Variants in PGR observed in about 807,000 individuals in gnomAD.
PGR encodes the protein nuclear receptor subfamily 3 group C member 3.
A neutral mutation model predicts 76.1 loss-of-function variants in PGR; 25 were observed. The observed-to-expected ratio is 0.33, with a 90% CI of 0.24 to 0.46. The LOEUF (loss-of-function observed/expected upper bound fraction) is 0.46. Among genes scored for constraint, PGR ranks in the 20% least tolerant of loss-of-function variants. The pLI is 1.00. For synonymous variants in PGR, 579 were observed against 535.0 expected (o/e 1.08, Z -1.14); for missense variants, 1,172 against 1,225.3 (o/e 0.96, Z 0.65).
chr11:101,072,432 T>C (rs569741582), intron 3 of PGR, among the ~76,000 whole-genome samples: 4 of 152,198 alleles, frequency 2.6e-5, no homozygotes, highest in Non-Finnish European at 5.9e-5. Context: ...ATGGGCAAAA[T>C]AACCAGCTAG....
intron 4 of PGR, 102 bp downstream of exon 4, chr11:101,062,345 T>TA: frequency 1.2e-6 from 1 of 865,392 alleles, no homozygotes; most frequent in Non-Finnish European, 1.9e-6. Flanking sequence ...CTGTTTTATA[T>TA]TGTAGTTAAT....
At chr11:101,050,798 A>G (rs796787345) in intron 5 of PGR, 3 of 159,722 alleles carry the variant, frequency 1.9e-5, no homozygotes, top group African/African-American at 7.2e-5. Flanking sequence ...AAACTGTACA[A>G]TGAAGAATGC....
At chr11:101,107,664 AAC>A (rs1364667962) in intron 2 of PGR, among the ~76,000 whole-genome samples, 2 of 152,176 alleles carry the variant, frequency 1.3e-5, no homozygotes, top group Non-Finnish European at 2.9e-5. Context: ...GTAGGATTAT[AAC>A]AGTTACATAC....
At chr11:101,124,276 C>G (rs1252045987) in intron 2 of PGR, among the ~76,000 whole-genome samples, 1 of 152,166 alleles carries the variant, frequency 6.6e-6, no homozygotes, top group African/African-American at 2.4e-5. Flanking sequence ...GGATGCTATT[C>G]TAACAAAATG....
Position 101,048,173 on chromosome 11 carries a change from T to TGATAAA in PGR, c.2488+1750_2488+1755dup, listed in dbSNP as rs1859957303. 2.0e-5 allele frequency among the ~76,000 whole-genome samples: 3 copies of TGATAAA among 152,316 alleles called. No individual in the cohort carries two copies. In the South Asian group the frequency reaches 6.2e-4, roughly 32 times the overall value. ...TTGCTAACTCACTGGACTGTGTCAG[T>TGATAAA]GATAAAGAAACCACTATTATATTAA... On this transcript the variant is annotated intron_variant, in intron 6 of 7. Coordinates refer to ENST00000325455, the MANE Select transcript of PGR (RefSeq NM_000926.4).
At chr11:101,097,449 T>C (rs1861868493) in intron 2 of PGR, among the ~76,000 whole-genome samples, 1 of 152,232 alleles carries the variant, frequency 6.6e-6, no homozygotes, top group Non-Finnish European at 1.5e-5. Flanking sequence ...TTTGTGTCTA[T>C]AGCTACTAGG....
At chr11:101,099,914 T>C (rs1861945415) in intron 2 of PGR, among the ~76,000 whole-genome samples, 1 of 152,164 alleles carries the variant, frequency 6.6e-6, no homozygotes, top group Non-Finnish European at 1.5e-5. Flanking sequence ...ATTGGGTGAG[T>C]GTAGGCAGCA....
rs1040870435 is a variant in PGR at position 101,030,309 on chromosome 11, G to A, written c.*8807C>T. ...ACAAAAAAATGTGAATATCTACCAT[G>A]TGCAAAACAGTCAAAGTATGTTAGG... is the stretch of plus-strand genomic sequence containing the variant. On this transcript the variant is annotated 3_prime_UTR_variant, in exon 8 of 8. Coordinates refer to ENST00000325455, the MANE Select transcript of PGR (RefSeq NM_000926.4). 8.5e-5 allele frequency: 19 copies of A among 224,664 alleles called. No individual in the cohort carries two copies. Among genetic ancestry groups the A allele is most frequent in the Admixed American group, 2.9e-4 (5 of 17,498 alleles). 13.9% of individuals were successfully genotyped at this position (224,664 alleles called of 1,614,324 possible).
chr11:101,112,566 G>A (rs1325179764), intron 2 of PGR, among the ~76,000 whole-genome samples: 6 of 152,214 alleles, frequency 3.9e-5, no homozygotes. Flanking sequence ...AAGCAAGGCT[G>A]TTAGCTGAAA....
intron 3 of PGR, among the ~76,000 whole-genome samples, chr11:101,076,945 T>TG (rs1861149046): frequency 8.0e-6 from 1 of 124,806 alleles, no homozygotes. Flanking sequence ...TTTTTTTTTT[T>TG]GCGACAGAGT....
In PGR at chr11:101,128,098, C is replaced by G. The variant is rs769437068; in HGVS notation, c.973G>C (p.Glu325Gln). Residue 325 changes from glutamate (E) to glutamine (Q), a missense_variant, in exon 1 of 8, where the codon GAA (glutamate) becomes CAA (glutamine). Physicochemically the swap from Glu to Gln is conservative, Grantham distance 29. This residue lies in a region of PGR where 893 missense variants were observed against 785.9 expected (regional missense o/e 1.14). Coordinates refer to ENST00000325455, the MANE Select transcript of PGR (RefSeq NM_000926.4). ...LLAARTRQLL[E>Q]DESYDGGAGA... ...GCCCCGCCGTCGTAACTTTCGTCTT[C>G]CAGCAGCTGCCGAGTGCGGGCTGCC... 1.9e-6 allele frequency: 3 copies of G among 1,599,384 alleles called. No individual in the cohort carries two copies. In the South Asian group the frequency reaches 3.3e-5, roughly 18 times the overall value.
At chr11:101,059,863 A>AAAAAAAAAAG (rs1565337616) in intron 4 of PGR, among the ~76,000 whole-genome samples, 28 of 141,116 alleles carry the variant, frequency 2.0e-4, no homozygotes, top group Non-Finnish European at 3.1e-4. Flanking sequence ...AAAAAAAAAG[A>AAAAAAAAAAG]AAAAAAAGAA....
intron 2 of PGR, among the ~76,000 whole-genome samples, chr11:101,114,156 C>T (rs1180599411): frequency 1.3e-5 from 2 of 152,100 alleles, no homozygotes; most frequent in East Asian, 1.9e-4. Context: ...TTCCATACCC[C>T]GCATTTAAAC....
At chr11:101,096,646 C>T (rs1202860668) in intron 2 of PGR, among the ~76,000 whole-genome samples, 2 of 152,154 alleles carry the variant, frequency 1.3e-5, no homozygotes, top group Admixed American at 1.3e-4. Context: ...ACAACATTTT[C>T]CTGGAAATCT....
chr11:101,098,345 C>T (rs1313359017), intron 2 of PGR, among the ~76,000 whole-genome samples: 1 of 152,052 alleles, frequency 6.6e-6, no homozygotes, highest in African/African-American at 2.4e-5. Flanking sequence ...AGAGAGTTCA[C>T]AATTTTTCAT....
intron 3 of PGR, among the ~76,000 whole-genome samples, chr11:101,090,967 A>T (rs1245870560): frequency 6.6e-6 from 1 of 152,198 alleles, no homozygotes; most frequent in African/African-American, 2.4e-5. Context: ...CACTGAAAAA[A>T]CATTTTTAGC....
chr11:101,090,888 C>T (rs1388033631), intron 3 of PGR, among the ~76,000 whole-genome samples: 1 of 152,172 alleles, frequency 6.6e-6, no homozygotes, highest in Non-Finnish European at 1.5e-5. Context: ...AAGCATTGGT[C>T]TAAATATAGC....
intron 4 of PGR, among the ~76,000 whole-genome samples, chr11:101,052,019 C>T (rs758536073): frequency 5.9e-5 from 9 of 152,062 alleles, no homozygotes; most frequent in Non-Finnish European, 1.0e-4. Context: ...TCAGGAAAAA[C>T]TTTCTAGAAA....
intron 2 of PGR, among the ~76,000 whole-genome samples, chr11:101,118,162 A>C (rs1862567262): frequency 6.6e-6 from 1 of 152,210 alleles, no homozygotes; most frequent in South Asian, 2.1e-4. Context: ...AAGGGCATTG[A>C]CTCCAGGAGT....
Sources: gnomAD v4.1 joint callset for allele counts (sites outside exome capture counted in the v4.1 genomes callset) on GRCh38, gnomAD v4.1.1 for gene constraint, gnomAD v4.1.1 regional missense constraint, MANE v1.5 for transcripts, NCBI Gene and HGNC (gene_info 2026-07-23, HGNC 2026-07-21) for gene names.